The following ATE1 variants were observed in gnomAD, a reference collection of about 807,000 sequenced individuals.
ATE1 encodes the protein arginyltransferase 1, also known as arginyl-tRNA--protein transferase 1.
In ATE1, 36 loss-of-function variants were observed where a neutral mutation model predicts 70.5. That is an observed-to-expected ratio of 0.51 (90% CI 0.39 to 0.67). The LOEUF (loss-of-function observed/expected upper bound fraction) is 0.67, where lower values mean the gene tolerates loss of function less well. Among genes scored for constraint, ATE1 ranks in the 30% least tolerant of loss-of-function variants. The pLI is 0.00. For missense variants in ATE1, 593 were observed against 629.5 expected (o/e 0.94, Z 0.62); for synonymous variants, 232 against 219.3 (o/e 1.06, Z -0.51).
Position 121,851,324 on chromosome 10 carries a change from G to A in ATE1, c.976-10061C>T, listed in dbSNP as rs143666696. ...ACTCCCAGCTACTCTGGATGCTGAG[G>A]TGGGAGGATCACTTGAGCCTGGGAG... On this transcript the variant is annotated intron_variant, in intron 8 of 11. Coordinates refer to ENST00000224652, the MANE Select transcript of ATE1 (RefSeq NM_001001976.3). Among the ~76,000 whole-genome samples, 607 of 152,266 alleles carry A rather than the reference G, an allele frequency of 4.0e-3. 4 individuals are homozygous for A. The highest frequency in any genetic ancestry group is 6.7e-3 in the Non-Finnish European group (459 of 68,030).
chr10:121,792,115 G>A (rs1946477478), intron 10 of ATE1, among the ~76,000 whole-genome samples: 1 of 53,088 alleles, frequency 1.9e-5, no homozygotes, highest in African/African-American at 6.4e-5. Flanking sequence ...GAGGATATGG[G>A]GTTTTATTGA....
intron 9 of ATE1, among the ~76,000 whole-genome samples, chr10:121,840,087 T>G (rs781244754): frequency 3.9e-5 from 6 of 152,048 alleles, no homozygotes; most frequent in Non-Finnish European, 7.4e-5. Context: ...CATATACACA[T>G]AGACAAACAG....
intron 11 of ATE1, among the ~76,000 whole-genome samples, chr10:121,745,849 C>T (rs941589970): frequency 6.6e-6 from 1 of 151,996 alleles, no homozygotes; most frequent in African/African-American, 2.4e-5. Context: ...GAATGTCCAT[C>T]GATGGAGAAC....
intron 10 of ATE1, among the ~76,000 whole-genome samples, chr10:121,825,515 A>G (rs1183132244): frequency 1.3e-5 from 2 of 152,226 alleles, no homozygotes; most frequent in Non-Finnish European, 2.9e-5. Context: ...ACCAGTGATT[A>G]GCTCACATAC....
intron 1 of ATE1, among the ~76,000 whole-genome samples, chr10:121,925,887 TAAA>T (rs34468953): frequency 7.8e-5 from 11 of 141,688 alleles, no homozygotes; most frequent in African/African-American, 1.8e-4. Flanking sequence ...GACTGCCTCT[TAAA>T]AAAAAAAAAA....
At chr10:121,889,814 T>TA (rs895010373) in intron 7 of ATE1, among the ~76,000 whole-genome samples, 81 of 142,694 alleles carry the variant, frequency 5.7e-4, no homozygotes, top group Middle Eastern at 3.6e-3. Context: ...CCTTGTCTCT[T>TA]AAAAAAAAAA....
chr10:121,876,799 T>C (rs148464249), intron 7 of ATE1, among the ~76,000 whole-genome samples: 2,037 of 152,112 alleles, frequency 0.013, 38 homozygotes, highest in African/African-American at 0.047. Context: ...ACCCCGTCTC[T>C]ACTAAAAATA....
chr10:121,811,226 G>A (rs966001430), intron 10 of ATE1, among the ~76,000 whole-genome samples: 1 of 152,032 alleles, frequency 6.6e-6, no homozygotes, highest in Admixed American at 6.6e-5. Flanking sequence ...TAATATGCAT[G>A]CATATGTGTA....
intron 1 of ATE1, among the ~76,000 whole-genome samples, chr10:121,924,625 G>A (rs967220261): frequency 4.6e-5 from 7 of 151,508 alleles, no homozygotes; most frequent in East Asian, 1.9e-4. Flanking sequence ...ACATGAACTC[G>A]GGAGGCGGAG....
intron 11 of ATE1, among the ~76,000 whole-genome samples, chr10:121,750,571 G>A (rs1018024245): frequency 2.6e-5 from 4 of 152,184 alleles, no homozygotes; most frequent in Non-Finnish European, 5.9e-5. Context: ...GAGATGAAAT[G>A]CACAATACAG....
Position 121,783,094 on chromosome 10 carries a change from C to T in ATE1, c.1378+7075G>A, listed in dbSNP as rs184277901. On this transcript the variant is annotated intron_variant, in intron 11 of 11. Coordinates refer to ENST00000224652, the MANE Select transcript of ATE1 (RefSeq NM_001001976.3). Reference sequence around the variant, plus strand: ...TTTACAATTTCTTTCTTTCTTTTTACACTCCTCTCAGCTCATACCTATGTT... The same window carrying T: ...TTTACAATTTCTTTCTTTCTTTTTATACTCCTCTCAGCTCATACCTATGTT... 7.8e-4 allele frequency among the ~76,000 whole-genome samples: 119 copies of T among 152,260 alleles called. 1 individual carries two copies. Among genetic ancestry groups the T allele is most frequent in the Non-Finnish European group, 1.2e-3 (85 of 68,020 alleles).
intron 5 of ATE1, among the ~76,000 whole-genome samples, chr10:121,908,169 C>T (rs908236981): frequency 2.6e-5 from 4 of 152,066 alleles, no homozygotes; most frequent in Non-Finnish European, 5.9e-5. Flanking sequence ...CACTGTTAGA[C>T]GTTATTTTGA....
intron 8 of ATE1, among the ~76,000 whole-genome samples, chr10:121,855,388 T>G (rs1949209773): frequency 6.6e-6 from 1 of 152,214 alleles, no homozygotes; most frequent in Non-Finnish European, 1.5e-5. Context: ...GGATGACAGA[T>G]GACAGAGAAT....
intron 11 of ATE1, among the ~76,000 whole-genome samples, chr10:121,751,129 A>G (rs1285697590): frequency 1.3e-5 from 2 of 152,064 alleles, no homozygotes; most frequent in African/African-American, 4.8e-5. Context: ...TTAATTTGGG[A>G]CTCCAGCTGA....
intron 10 of ATE1, among the ~76,000 whole-genome samples, chr10:121,831,472 A>G (rs1202990809): frequency 6.6e-6 from 1 of 152,118 alleles, no homozygotes; most frequent in East Asian, 1.9e-4. Context: ...CCTCCTCTGC[A>G]CTCGTGTCCT....
upstream of ATE1, chr10:121,928,168 T>G: frequency 1.4e-5 from 18 of 1,281,558 alleles, no homozygotes; most frequent in Admixed American, 4.2e-5. Flanking sequence ...TCCTTCTCCA[T>G]AAGGGGCCGC....
At chr10:121,899,718 T>A (rs543390141) in intron 7 of ATE1, 148 bp downstream of exon 7, 1 of 1,184,696 alleles carries the variant, frequency 8.4e-7, no homozygotes, top group African/African-American at 1.5e-5. Context: ...TTTCAGAATG[T>A]CCATTAATTC....
At chr10:121,836,905 T>A (rs1356549038) in intron 9 of ATE1, 88 bp from the exon 10 acceptor site, 8 of 815,806 alleles carry the variant, frequency 9.8e-6, no homozygotes, top group South Asian at 1.6e-5. Context: ...AAACATTTGA[T>A]AAAATCTGGT....
chr10:121,770,734 TAA>T (rs57921362), intron 11 of ATE1, among the ~76,000 whole-genome samples: 3,389 of 140,810 alleles, frequency 0.024, 90 homozygotes, highest in African/African-American at 0.065. Flanking sequence ...TTTCCTTAAC[TAA>T]AAAAAAAAAA....
Sources: allele counts gnomAD v4.1 joint callset (sites outside exome capture counted in the v4.1 genomes callset), GRCh38; gene constraint gnomAD v4.1.1; transcripts MANE v1.5; gene names NCBI Gene and HGNC (gene_info 2026-07-23, HGNC 2026-07-21).